ASCC2: variants seen among roughly 807,000 people sequenced by gnomAD.
ASCC2 encodes the protein ASC-1 complex subunit P100.
A neutral mutation model predicts 93.5 loss-of-function variants in ASCC2; 42 were observed. The ratio of observed to expected loss-of-function variants is 0.45; its 90% CI spans 0.35 to 0.58. The LOEUF is 0.58. Ranked by LOEUF, ASCC2 falls within the 20% of genes least tolerant of loss-of-function variation. The pLI, the probability that ASCC2 is intolerant of heterozygous loss-of-function variation, is 0.00. For missense variants in ASCC2, 859 were observed against 977.6 expected, an observed-to-expected ratio of 0.88 and a Z score of 1.62; for synonymous variants, 364 against 384.2, an observed-to-expected ratio of 0.95 and a Z score of 0.62.
At chr22:29,798,698 C>T (rs548449829) in intron 15 of ASCC2, among the ~76,000 whole-genome samples, 12 of 152,276 alleles carry the variant, frequency 7.9e-5, no homozygotes, top group Admixed American at 1.3e-4. Flanking sequence ...GACATGTGTC[C>T]CTGCCGAAGT....
chr22:29,826,556 C>T (rs1428771260), intron 2 of ASCC2, among the ~76,000 whole-genome samples: 5 of 152,182 alleles, frequency 3.3e-5, no homozygotes, highest in East Asian at 1.9e-4. Flanking sequence ...AGCCATCCGC[C>T]TGCCTTGGCC....
chr22:29,838,017 C>A (rs553178140), intron 1 of ASCC2, among the ~76,000 whole-genome samples, 161 bp downstream of exon 1: 4 of 152,210 alleles, frequency 2.6e-5, no homozygotes, highest in Non-Finnish European at 5.9e-5. Flanking sequence ...CTGACCCTGG[C>A]GGCCAAGTCT....
chr22:29,808,677 G>C (rs2059951522), intron 8 of ASCC2, among the ~76,000 whole-genome samples: 2 of 151,960 alleles, frequency 1.3e-5, no homozygotes, highest in African/African-American at 2.4e-5. Context: ...ACAAAAATTA[G>C]CCAGGCATGG....
chr22:29,838,094 G>A, intron 1 of ASCC2, 84 bp downstream of exon 1: 6 of 450,546 alleles, frequency 1.3e-5, no homozygotes, highest in Non-Finnish European at 2.7e-5. Context: ...CAGAGGATGG[G>A]AGAGCCAAGG....
At chr22:29,833,419 A>G (rs573032638) in intron 1 of ASCC2, 15 of 346,614 alleles carry the variant, frequency 4.3e-5, no homozygotes, top group Non-Finnish European at 6.8e-5. Context: ...ACGACATGAG[A>G]AGAAGGGAAG....
At position 29,814,653 on chromosome 22, in the gene ASCC2, T is replaced by A. The variant is rs757978339; in HGVS notation, c.720+4A>T. The A allele has an allele frequency of 6.3e-7, 1 of 1,590,068 alleles. No homozygotes were observed. Among genetic ancestry groups the A allele is most frequent in the Non-Finnish European group, 8.5e-7 (1 of 1,170,416 alleles). On this transcript the variant is annotated splice_donor_region_variant and intron_variant, in intron 7 of 19. Coordinates refer to ENST00000307790, the MANE Select transcript of ASCC2 (RefSeq NM_032204.5). The stretch of plus-strand genomic sequence containing the variant: ...AAAGAGACTGGGCCGAAGGGCAACC[T>A]TACCAGGAGAGGCATGTCACTGGGG...
At position 29,825,504 on chromosome 22, in the gene ASCC2, G is replaced by A. The variant is rs112376674; in HGVS notation, c.240+118C>T. The A allele has an allele frequency of 6.4e-6, 9 of 1,415,984 alleles. No individual in the cohort carries two copies. The African/African-American group carries it at 7.1e-5, about 11-fold the overall frequency. 87.7% of individuals were successfully genotyped at this position (1,415,984 alleles called of 1,614,324 possible). Reference sequence around the variant, plus strand: ...AATCCGAACCACAATTTGCTGTTAAGGATCCAGTGAAAGAAGTAGACAAAA... The same window carrying A: ...AATCCGAACCACAATTTGCTGTTAAAGATCCAGTGAAAGAAGTAGACAAAA... On this transcript the variant is annotated intron_variant, in intron 3 of 19. Coordinates refer to ENST00000307790, the MANE Select transcript of ASCC2 (RefSeq NM_032204.5). This position sits in a 1 kb window ranked among gnomAD's most constrained non-coding sequence, Gnocchi z 4.9.
intron 1 of ASCC2, among the ~76,000 whole-genome samples, chr22:29,837,825 C>T (rs1322401612): frequency 6.6e-6 from 1 of 152,248 alleles, no homozygotes; most frequent in African/African-American, 2.4e-5. Flanking sequence ...GAAGCCTTGT[C>T]TGTCTTGCTT....
intron 19 of ASCC2, 103 bp downstream of exon 19, chr22:29,790,366 C>T (rs1349396579): frequency 7.1e-6 from 8 of 1,129,162 alleles, no homozygotes; most frequent in South Asian, 2.6e-5. Context: ...ACTAAATACA[C>T]GTGGAGCACT....
intron 5 of ASCC2, among the ~76,000 whole-genome samples, chr22:29,819,754 T>C (rs1444916370): frequency 6.6e-6 from 1 of 152,196 alleles, no homozygotes; most frequent in Non-Finnish European, 1.5e-5. Context: ...CCTCCTGGAA[T>C]GCTCCACTCT....
chr22:29,801,843 TTA>T (rs999043797), intron 14 of ASCC2, 149 bp downstream of exon 14: 1 of 730,594 alleles, frequency 1.4e-6, no homozygotes, highest in Non-Finnish European at 2.2e-6. Flanking sequence ...CCTAAGGTTT[TTA>T]TGTTTCCCCA....
chr22:29,807,726 C>A (rs189555737), intron 9 of ASCC2, among the ~76,000 whole-genome samples: 2 of 151,816 alleles, frequency 1.3e-5, no homozygotes, highest in East Asian at 1.9e-4. Context: ...CTGGCCAACA[C>A]GTCAAAACCC....
At chr22:29,805,909 G>A (rs2059621770) in intron 12 of ASCC2, among the ~76,000 whole-genome samples, 1 of 151,696 alleles carries the variant, frequency 6.6e-6, no homozygotes, top group Non-Finnish European at 1.5e-5. Flanking sequence ...CTATCTAACT[G>A]CCTGTTTACT....
At chr22:29,792,306 T>C (rs2147354223) in intron 18 of ASCC2, 127 bp downstream of exon 18, 1 of 1,484,840 alleles carries the variant, frequency 6.7e-7, no homozygotes, top group Admixed American at 2.1e-5. Context: ...TCAAAGGGAC[T>C]CCTCCTGTCC....
intron 15 of ASCC2, among the ~76,000 whole-genome samples, chr22:29,796,522 C>T (rs896505756): frequency 1.3e-5 from 2 of 152,074 alleles, no homozygotes; most frequent in Admixed American, 6.6e-5. Flanking sequence ...GGAGGCTCCA[C>T]GGTAGGGGGT....
intron 8 of ASCC2, among the ~76,000 whole-genome samples, chr22:29,810,560 T>C (rs767371977): frequency 6.6e-6 from 1 of 152,182 alleles, no homozygotes; most frequent in African/African-American, 2.4e-5. Context: ...GTTGCCAGGA[T>C]ATGTTGCTGG....
chr22:29,789,307 C>T (rs2068579415), intron 19 of ASCC2, 123 bp from the exon 20 acceptor site: 1 of 1,180,380 alleles, frequency 8.5e-7, no homozygotes, highest in Admixed American at 1.9e-5. Flanking sequence ...TCACTCATGT[C>T]CCAACTTCAG....
rs150260524 is a variant in ASCC2 at position 29,832,320 on chromosome 22, T to C, written c.6A>G (p.Pro2=). The C allele has an allele frequency of 5.0e-4, 812 of 1,613,652 alleles. 1 individual carries two copies. Among genetic ancestry groups the C allele is most frequent in the Non-Finnish European group, 6.2e-4 (734 of 1,179,664 alleles). The change falls in exon 2 of 20, where the codon CCA becomes CCG. Residue 2 remains proline, a synonymous_variant. Coordinates refer to ENST00000307790, the MANE Select transcript of ASCC2 (RefSeq NM_032204.5). ...TCTGGAGTTGGTCCAGGGGCAGAGC[T>C]GGCATTGTGCTGCGTGACCCTCCTG... M[P]ALPLDQLQIT...
chr22:29,798,974 C>T (rs1181401576), intron 15 of ASCC2, among the ~76,000 whole-genome samples: 1 of 152,246 alleles, frequency 6.6e-6, no homozygotes, highest in East Asian at 1.9e-4. Context: ...CCCAGAGGGC[C>T]CCAGGAACAA....
Sources: allele counts gnomAD v4.1 joint callset (sites outside exome capture counted in the v4.1 genomes callset), GRCh38; gene constraint gnomAD v4.1.1; non-coding constraint Gnocchi (gnomAD v3.1); transcripts MANE v1.5; gene names NCBI Gene and HGNC (gene_info 2026-07-23, HGNC 2026-07-21).